ZFYVE28: variants seen among roughly 807,000 people sequenced by gnomAD.
ZFYVE28 encodes the protein lateral signaling target protein 2 homolog.
ZFYVE28 carries 40 observed loss-of-function variants against 82.1 expected under a neutral mutation model. That is an observed-to-expected ratio of 0.49 (90% CI 0.38 to 0.63). The LOEUF (loss-of-function observed/expected upper bound fraction) is 0.63, where lower values mean the gene tolerates loss of function less well. ZFYVE28 is among the 30% of genes least tolerant of loss of function. ZFYVE28 has a pLI of 0.00. For missense variants in ZFYVE28, 1,321 were observed against 1,242.1 expected (o/e 1.06, Z -0.96); for synonymous variants, 612 against 546.1 (o/e 1.12, Z -1.68).
chr4:2,348,055 T>C (rs983365502), intron 2 of ZFYVE28, among the ~76,000 whole-genome samples: 1 of 152,052 alleles, frequency 6.6e-6, no homozygotes, highest in African/African-American at 2.4e-5. Flanking sequence ...ATCAGTAAAA[T>C]TGATAAAACT....
chr4:2,339,517 A>G lies in ZFYVE28; in HGVS notation c.457T>C (p.Tyr153His), dbSNP rs757393236. The change falls in exon 4 of 13, where the codon TAC becomes CAC. Residue 153 changes from tyrosine (Y) to histidine (H), a missense_variant. By Grantham distance (83) the Tyr-to-His change is moderately conservative. Coordinates refer to ENST00000290974, the MANE Select transcript of ZFYVE28 (RefSeq NM_020972.3). This position sits in a 1 kb window ranked among gnomAD's most constrained non-coding sequence, Gnocchi z 5.0. ...RDQALRDLNT[Y>H]TEKMREALRH... ...AGCGCTTCCCTCATCTTCTCTGTGTAGGTGTTCAGGTCCCGCAGCGCCTGG... is the reference window on the plus strand; with the variant it reads ...AGCGCTTCCCTCATCTTCTCTGTGTGGGTGTTCAGGTCCCGCAGCGCCTGG... The G allele has an allele frequency of 5.0e-6, 8 of 1,613,780 alleles. No homozygotes were observed.
chr4:2,377,824 G>A (rs115350020), intron 1 of ZFYVE28, among the ~76,000 whole-genome samples: 2,291 of 152,244 alleles, frequency 0.015, 24 homozygotes, highest in Middle Eastern at 0.034. Context: ...TTCTCAGAAC[G>A]GTGTTGTCAA....
chr4:2,402,553 T>C (rs1015748106), intron 1 of ZFYVE28, among the ~76,000 whole-genome samples: 2 of 152,086 alleles, frequency 1.3e-5, no homozygotes, highest in African/African-American at 4.8e-5. Flanking sequence ...CACTGTTTCA[T>C]AGTCGGATCC....
intron 1 of ZFYVE28, among the ~76,000 whole-genome samples, chr4:2,405,651 A>G (rs1249801774): frequency 1.3e-5 from 2 of 152,232 alleles, no homozygotes; most frequent in Non-Finnish European, 2.9e-5. Flanking sequence ...ATTGTCTCTG[A>G]GACCTCACGT....
rs1312666021 is a variant in ZFYVE28, at chr4:2,339,383, G to T, written c.521+70C>A. 1 of 1,519,934 alleles carries T rather than the reference G, an allele frequency of 6.6e-7. No homozygotes were observed. The highest frequency in any genetic ancestry group is 1.4e-5 in the African/African-American group (1 of 73,424). 94.2% of individuals were successfully genotyped at this position (1,519,934 alleles called of 1,614,324 possible). On this transcript the variant is annotated intron_variant, in intron 4 of 12. Coordinates refer to ENST00000290974, the MANE Select transcript of ZFYVE28 (RefSeq NM_020972.3). The surrounding 1 kb of genome is among the most constrained non-coding windows in gnomAD (Gnocchi z 5.0). Reference sequence around the variant, plus strand: ...ATTTTCCAGCTTGAAGTATCAGGGTGAGCCCCGGAAGCTGGCACAACCGTC... The same window carrying T: ...ATTTTCCAGCTTGAAGTATCAGGGTTAGCCCCGGAAGCTGGCACAACCGTC...
At chr4:2,308,688 A>AAAGAGAAAG (rs1560182579) in intron 7 of ZFYVE28, among the ~76,000 whole-genome samples, 32 of 128,066 alleles carry the variant, frequency 2.5e-4, no homozygotes, top group South Asian at 1.3e-3. Context: ...AGAAAGAAAG[A>AAAGAGAAAG]AAAGAAAAGA....
At chr4:2,356,753 G>A (rs1312556241) in intron 1 of ZFYVE28, among the ~76,000 whole-genome samples, 1 of 152,234 alleles carries the variant, frequency 6.6e-6, no homozygotes, top group Admixed American at 6.5e-5. Context: ...GGCGGGGAAA[G>A]TGAGGCCCAA....
chr4:2,385,734 C>CA (rs150442400), intron 1 of ZFYVE28, among the ~76,000 whole-genome samples: 4,940 of 151,736 alleles, frequency 0.033, 266 homozygotes, highest in African/African-American at 0.11. Flanking sequence ...TCTCACAAAA[C>CA]AAAAAAAACA....
Position 2,271,661 on chromosome 4 carries a change from A to C in ZFYVE28, c.2428+14T>G, listed in dbSNP as rs1414308365. Reference sequence around the variant, plus strand: ...TGTCTAGTGCAGTGTCCTGACCCAGAGCCTCCCACACACCTTCAAAGTCCC... The same window carrying C: ...TGTCTAGTGCAGTGTCCTGACCCAGCGCCTCCCACACACCTTCAAAGTCCC... On this transcript the variant is annotated intron_variant, in intron 11 of 12. Coordinates refer to ENST00000290974, the MANE Select transcript of ZFYVE28 (RefSeq NM_020972.3). The C allele has an allele frequency of 1.9e-6, 3 of 1,612,654 alleles. No individual in the cohort carries two copies. Among genetic ancestry groups the C allele is most frequent in the South Asian group, 2.2e-5 (2 of 91,056 alleles).
chr4:2,339,558 C>T lies in ZFYVE28; in HGVS notation c.416G>A (p.Arg139Gln), dbSNP rs139959101. 6.2e-7 allele frequency: 1 copy of T among 1,612,974 alleles called. No homozygotes were observed. Among genetic ancestry groups the T allele is most frequent in the Admixed American group, 1.7e-5 (1 of 59,886 alleles). ...KELTRSLEDV[R>Q]GALRDQALRD... The stretch of plus-strand genomic sequence containing the variant: ...CAGCGCCTGGTCACGGAGGGCGCCC[C>T]GCACGTCCTCCAGGCTGCGCGTCAG... Residue 139 changes from arginine to glutamine, a missense_variant, in exon 4 of 13, where the codon CGG becomes CAG. By Grantham distance (43) the Arg-to-Gln change is conservative. Around this residue, in one of 2 missense-constraint regions of ZFYVE28, gnomAD observed 343 missense variants for 408.4 expected, o/e 0.84. Coordinates refer to ENST00000290974, the MANE Select transcript of ZFYVE28 (RefSeq NM_020972.3). The surrounding 1 kb of genome is among the most constrained non-coding windows in gnomAD (Gnocchi z 5.0).
intron 6 of ZFYVE28, among the ~76,000 whole-genome samples, chr4:2,334,585 C>G (rs1721276253): frequency 6.6e-6 from 1 of 151,680 alleles, no homozygotes; most frequent in Non-Finnish European, 1.5e-5. Context: ...TGAGGTCTCT[C>G]CAGCCTGAGC....
intron 1 of ZFYVE28, among the ~76,000 whole-genome samples, chr4:2,399,511 G>T (rs1245371094): frequency 6.6e-6 from 1 of 152,166 alleles, no homozygotes; most frequent in Non-Finnish European, 1.5e-5. Flanking sequence ...GGAAGGCCGG[G>T]GCCTCTGACA....
At chr4:2,323,803 T>A (rs1222517368) in intron 6 of ZFYVE28, among the ~76,000 whole-genome samples, 3 of 151,582 alleles carry the variant, frequency 2.0e-5, no homozygotes, top group Non-Finnish European at 4.4e-5. Context: ...GTTTGGTTTT[T>A]TGTTCTTAAG....
In ZFYVE28 at chr4:2,339,427, G is replaced by C. The variant is rs1470460847; in HGVS notation, c.521+26C>G. 1 of 1,608,112 alleles carries C rather than the reference G, an allele frequency of 6.2e-7. No individual in the cohort carries two copies. Among genetic ancestry groups the C allele is most frequent in the East Asian group, 2.2e-5 (1 of 44,754 alleles). ...AACCGTCCCCCAGCTCATACAGCCAGGGCTGTGGACCCACAGCTGCAGTAC... is the reference window on the plus strand; with the variant it reads ...AACCGTCCCCCAGCTCATACAGCCACGGCTGTGGACCCACAGCTGCAGTAC... On this transcript the variant is annotated intron_variant, in intron 4 of 12. Transcript: ENST00000290974. The surrounding 1 kb of genome is among the most constrained non-coding windows in gnomAD (Gnocchi z 5.0).
intron 7 of ZFYVE28, among the ~76,000 whole-genome samples, chr4:2,314,278 C>T (rs1370708308): frequency 6.6e-6 from 1 of 152,234 alleles, no homozygotes; most frequent in Non-Finnish European, 1.5e-5. Flanking sequence ...ACCTTGTTCA[C>T]GTACTTGTGT....
At chr4:2,368,936 G>C (rs1193575421) in intron 1 of ZFYVE28, among the ~76,000 whole-genome samples, 4 of 152,180 alleles carry the variant, frequency 2.6e-5, no homozygotes, top group Non-Finnish European at 5.9e-5. Flanking sequence ...AGCAGCAGTT[G>C]GTGTGGCAGG....
chr4:2,340,982 T>C (rs1322771250), intron 3 of ZFYVE28, among the ~76,000 whole-genome samples: 2 of 150,114 alleles, frequency 1.3e-5, no homozygotes, highest in Non-Finnish European at 3.0e-5. Flanking sequence ...GGTGGGGGCC[T>C]GGGGGAGACT....
intron 1 of ZFYVE28, among the ~76,000 whole-genome samples, chr4:2,371,054 G>A (rs1284643510): frequency 1.3e-5 from 2 of 152,220 alleles, no homozygotes; most frequent in Non-Finnish European, 2.9e-5. Flanking sequence ...TCTTCTTCTT[G>A]ACCAGTTGTT....
chr4:2,311,596 A>G (rs1406481287), intron 7 of ZFYVE28, among the ~76,000 whole-genome samples: 1 of 152,126 alleles, frequency 6.6e-6, no homozygotes, highest in Non-Finnish European at 1.5e-5. Flanking sequence ...TTTCATTGAC[A>G]TCTGTTCTTA....
Sources: allele counts gnomAD v4.1 joint callset (sites outside exome capture counted in the v4.1 genomes callset), GRCh38; gene constraint gnomAD v4.1.1; regional missense constraint gnomAD v4.1.1; non-coding constraint Gnocchi (gnomAD v3.1); transcripts MANE v1.5; gene names NCBI Gene and HGNC (gene_info 2026-07-23, HGNC 2026-07-21).